DLC1: variants seen among roughly 807,000 people sequenced by gnomAD.
DLC1 encodes rho GTPase-activating protein 7.
Under a neutral mutation model 140.3 loss-of-function variants are expected in DLC1, and 54 were observed. The ratio of observed to expected loss-of-function variants is 0.38; its 90% CI spans 0.31 to 0.48. The LOEUF (loss-of-function observed/expected upper bound fraction) is 0.48. DLC1 is among the 20% of genes least tolerant of loss of function. The pLI is 0.96. For synonymous variants in DLC1, 986 were observed against 728.1 expected (o/e 1.35, Z -5.70); for missense variants, 2,536 against 1,907.0 (o/e 1.33, Z -6.14).
chr8:13,479,340 G>A (rs534861083), intron 2 of DLC1, among the ~76,000 whole-genome samples: 173 of 152,206 alleles, frequency 1.1e-3, no homozygotes, highest in African/African-American at 4.1e-3. Flanking sequence ...GAGTCAAGAA[G>A]ATCTCACAAT....
chr8:13,492,459 T>C (rs1801298203), intron 2 of DLC1, among the ~76,000 whole-genome samples: 1 of 82,648 alleles, frequency 1.2e-5, no homozygotes, highest in Non-Finnish European at 2.9e-5. Flanking sequence ...TTTGGTATCC[T>C]ATTTTAGCCT....
At chr8:13,452,852 T>A (rs918984978) in intron 2 of DLC1, among the ~76,000 whole-genome samples, 5 of 152,196 alleles carry the variant, frequency 3.3e-5, no homozygotes, top group African/African-American at 1.2e-4. Context: ...ATCAAAATAT[T>A]CTAACATGCC....
chr8:13,276,789 C>G (rs949075738), intron 5 of DLC1: 2 of 177,528 alleles, frequency 1.1e-5, no homozygotes, highest in African/African-American at 4.7e-5. Context: ...AAACGCAGCG[C>G]CGCAGGCAAG....
chr8:13,246,734 T>C (rs1320197497), intron 5 of DLC1, among the ~76,000 whole-genome samples: 4 of 152,058 alleles, frequency 2.6e-5, no homozygotes, highest in Non-Finnish European at 4.4e-5. Context: ...AACATCTTTA[T>C]CACATTTATC....
intron 5 of DLC1, among the ~76,000 whole-genome samples, chr8:13,302,488 T>C (rs554871331): frequency 1.1e-3 from 169 of 152,302 alleles, no homozygotes; most frequent in Admixed American, 6.0e-3. Flanking sequence ...TGTATTATCA[T>C]AGCAACGTGG....
Position 13,099,659 on chromosome 8 carries a change from T to A in DLC1, c.2678A>T (p.Asp893Val), listed in dbSNP as rs1426268945. ...PGSILYSSSGDLADLENEDIF... is the reference protein window; with the variant it reads ...PGSILYSSSGVLADLENEDIF... ...GTCCTCGTTCTCCAGATCCGCCAGG[T>A]CCCCTGAACTGGAGTAGAGGATGGA... Residue 893 changes from aspartate (D) to valine (V), a missense_variant, in exon 9 of 18, where the codon GAC (aspartate) becomes GTC (valine). Coordinates refer to ENST00000276297, the MANE Select transcript of DLC1 (RefSeq NM_182643.3). 6.2e-7 allele frequency: 1 copy of A among 1,613,998 alleles called. No homozygotes were observed. Among genetic ancestry groups the A allele is most frequent in the East Asian group, 2.2e-5 (1 of 44,882 alleles).
chr8:13,236,228 G>T (rs1829272258), intron 5 of DLC1, among the ~76,000 whole-genome samples: 1 of 151,922 alleles, frequency 6.6e-6, no homozygotes, highest in Non-Finnish European at 1.5e-5. Flanking sequence ...TTTCTTTAAG[G>T]TTCATTCACT....
At chr8:13,489,122 A>G (rs1801112835) in intron 2 of DLC1, among the ~76,000 whole-genome samples, 2 of 151,714 alleles carry the variant, frequency 1.3e-5, no homozygotes, top group South Asian at 4.2e-4. Flanking sequence ...TAATTTTTGT[A>G]TTTTAATAGA....
intron 4 of DLC1, among the ~76,000 whole-genome samples, chr8:13,335,563 A>G (rs1833782427): frequency 6.6e-6 from 1 of 152,200 alleles, no homozygotes; most frequent in East Asian, 1.9e-4. Context: ...GAAGTTTCTC[A>G]AAGCATATAT....
At chr8:13,280,008 G>C (rs954205631) in intron 5 of DLC1, among the ~76,000 whole-genome samples, 2 of 151,818 alleles carry the variant, frequency 1.3e-5, no homozygotes, top group African/African-American at 2.4e-5. Context: ...GGCTGGGTGC[G>C]GTGGCTCACA....
chr8:13,506,230 C>G (rs577097160), intron 1 of DLC1, among the ~76,000 whole-genome samples: 1 of 151,996 alleles, frequency 6.6e-6, no homozygotes, highest in African/African-American at 2.4e-5. Flanking sequence ...TGTAAACACA[C>G]ACATATATAT....
At chr8:13,260,201 A>G (rs11991956) in intron 5 of DLC1, among the ~76,000 whole-genome samples, 19,650 of 152,174 alleles carry the variant, frequency 0.13, 1,312 homozygotes, top group South Asian at 0.24. Flanking sequence ...CATGATCTTG[A>G]TCGTTTCTGA....
At chr8:13,129,125 C>A (rs913573310) in intron 5 of DLC1, among the ~76,000 whole-genome samples, 1 of 152,200 alleles carries the variant, frequency 6.6e-6, no homozygotes, top group African/African-American at 2.4e-5. Context: ...GGATCTCTAA[C>A]TAATTTGAAG....
chr8:13,520,973 A>G lies in DLC1; in HGVS notation c.-125-20777T>C, dbSNP rs78827245. On this transcript the variant is annotated intron_variant, in intron 1 of 1. Transcript: ENST00000631382. ...GGGTCCATATATCTTTAGTATGTTC[A>G]AGAAATGTTCCCATCTCTTGCCTGA... 2.0e-3 allele frequency among the ~76,000 whole-genome samples: 301 copies of G among 152,284 alleles called. 5 individuals carry two copies. Among genetic ancestry groups the G allele is most frequent in the African/African-American group, 6.9e-3 (287 of 41,562 alleles).
Position 13,094,768 on chromosome 8 carries a change from T to A in DLC1, c.3517A>T (p.Ile1173Phe). The A allele has an allele frequency of 1.2e-6, 2 of 1,614,188 alleles. No homozygotes were observed. The highest frequency in any genetic ancestry group is 1.7e-6 in the Non-Finnish European group (2 of 1,180,026). ...TNKLSETFLQ[I>F]YQYVPKDQRL... ...ATCAAAGGACACTCACATTGGTAGA[T>A]CTGTAGAAAGGTTTCCGAGAGTTTG... Residue 1173 changes from isoleucine (I) to phenylalanine (F), a missense_variant, in exon 12 of 18, where the codon ATC (isoleucine) becomes TTC (phenylalanine). Coordinates refer to ENST00000276297, the MANE Select transcript of DLC1 (RefSeq NM_182643.3).
chr8:13,434,170 C>T (rs1023907712), intron 2 of DLC1, among the ~76,000 whole-genome samples: 4 of 152,164 alleles, frequency 2.6e-5, no homozygotes, highest in African/African-American at 9.7e-5. Flanking sequence ...AGCCACTGCG[C>T]CCAGCCACAA....
At chr8:13,342,836 T>TTCTCTCTCTCTCTCTCTCTC (rs1206303018) in intron 4 of DLC1, 5 of 126,180 alleles carry the variant, frequency 4.0e-5, no homozygotes, top group African/African-American at 1.6e-4. Flanking sequence ...TCAGTTGTGC[T>TTCTCTCTCTCTCTCTCTCTC]TCTCTCTCTC....
intron 5 of DLC1, chr8:13,305,012 A>T (rs1477368000): frequency 2.6e-5 from 29 of 1,109,382 alleles, no homozygotes; most frequent in Admixed American, 1.9e-4. Flanking sequence ...CTTAAGAAAA[A>T]AAAATTGTGG....
At chr8:13,287,681 G>GT (rs370179185) in intron 5 of DLC1, among the ~76,000 whole-genome samples, 102 of 152,262 alleles carry the variant, frequency 6.7e-4, no homozygotes, top group Middle Eastern at 3.4e-3. Flanking sequence ...GGGAACAGAG[G>GT]TATTTTTGCC....
Sources: gnomAD v4.1 joint callset for allele counts (sites outside exome capture counted in the v4.1 genomes callset) on GRCh38, gnomAD v4.1.1 for gene constraint, MANE v1.5 for transcripts, NCBI Gene and HGNC (gene_info 2026-07-23, HGNC 2026-07-21) for gene names.